The following PTPRD variants were observed in gnomAD, a reference collection of about 807,000 sequenced individuals.
PTPRD encodes the protein protein tyrosine phosphatase receptor type D, also known as receptor-type tyrosine-protein phosphatase delta.
Under a neutral mutation model 214.5 loss-of-function variants are expected in PTPRD, and 34 were observed. The ratio of observed to expected loss-of-function variants is 0.16; its 90% CI spans 0.12 to 0.21. PTPRD has a LOEUF of 0.21. Among genes scored for constraint, PTPRD ranks in the 10% least tolerant of loss-of-function variants. The probability of loss-of-function intolerance (pLI) is 1.00; values close to 1 mark genes in which losing one functional copy is unlikely to be tolerated. For missense variants in PTPRD, 2,545 were observed against 2,398.7 expected, an observed-to-expected ratio of 1.06 and a Z score of -1.27; for synonymous variants, 1,128 against 845.7, an observed-to-expected ratio of 1.33 and a Z score of -5.79.
Position 9,292,634 on chromosome 9 carries a change from T to C in PTPRD, c.-203+104815A>G, listed in dbSNP as rs968687685. ...ATTATTAACTAAAATCCATACTTTA[T>C]TCAGATTGCCTTAGTTATTACCTAA... On this transcript the variant is annotated intron_variant, in intron 9 of 45. Transcript: ENST00000381196. 2.6e-5 allele frequency among the ~76,000 whole-genome samples: 4 copies of C among 151,472 alleles called. No individual in the cohort carries two copies. The Admixed American group carries it at 2.6e-4, about 10-fold the overall frequency.
intron 9 of PTPRD, among the ~76,000 whole-genome samples, chr9:9,299,212 T>G (rs1226821193): frequency 6.6e-6 from 1 of 151,834 alleles, no homozygotes; most frequent in Non-Finnish European, 1.5e-5. Flanking sequence ...ACATGATATT[T>G]TATTATTTCA....
intron 3 of PTPRD, among the ~76,000 whole-genome samples, chr9:10,081,467 C>T (rs931718587): frequency 3.3e-5 from 5 of 151,916 alleles, no homozygotes; most frequent in Non-Finnish European, 7.4e-5. Flanking sequence ...GAAGGTGGAG[C>T]CCACGTAACT....
intron 5 of PTPRD, among the ~76,000 whole-genome samples, chr9:9,782,200 G>T (rs2098851006): frequency 6.6e-6 from 1 of 152,038 alleles, no homozygotes. Context: ...TCTCAACACA[G>T]TGTGTATATG....
intron 8 of PTPRD, among the ~76,000 whole-genome samples, chr9:9,466,265 T>C (rs897037367): frequency 4.6e-5 from 7 of 152,156 alleles, no homozygotes; most frequent in Non-Finnish European, 1.0e-4. Flanking sequence ...GCTGTGATTG[T>C]GTCACTCTAC....
At chr9:9,400,310 T>G (rs1299517737) in intron 8 of PTPRD, among the ~76,000 whole-genome samples, 5 of 151,878 alleles carry the variant, frequency 3.3e-5, no homozygotes, top group African/African-American at 9.7e-5. Flanking sequence ...AAAATTTAAC[T>G]AAGATACTCT....
At chr9:10,095,949 G>C (rs748150987) in intron 3 of PTPRD, among the ~76,000 whole-genome samples, 40 of 151,492 alleles carry the variant, frequency 2.6e-4, no homozygotes, top group Non-Finnish European at 4.9e-4. Context: ...CTCATGCTTA[G>C]GTGTTGACAT....
At chr9:10,561,435 G>C (rs1207534649) in intron 2 of PTPRD, among the ~76,000 whole-genome samples, 1 of 152,050 alleles carries the variant, frequency 6.6e-6, no homozygotes, top group Non-Finnish European at 1.5e-5. Flanking sequence ...TTTCTCCACT[G>C]CAACTTGATT....
chr9:9,614,091 T>A (rs1433986599), intron 7 of PTPRD, among the ~76,000 whole-genome samples: 1 of 151,916 alleles, frequency 6.6e-6, no homozygotes, highest in East Asian at 1.9e-4. Flanking sequence ...CAATTGTTGC[T>A]AAAAACATGT....
In PTPRD at chr9:8,630,046, A is replaced by T. The variant is rs146425105; in HGVS notation, c.352+3271T>A. ...ATACAGGTCAGATATTTGAATCTCC[A>T]ATTAATTAGTTTCTCTAGTAGCTTG... On this transcript the variant is annotated intron_variant, in intron 14 of 45. Transcript: ENST00000381196. Among the ~76,000 whole-genome samples the T allele has an allele frequency of 1.6e-4, 25 of 151,926 alleles. No homozygotes were observed. The East Asian group carries it at 4.7e-3, about 28-fold the overall frequency.
At chr9:8,602,083 A>T (rs116683661) in intron 14 of PTPRD, among the ~76,000 whole-genome samples, 8 of 152,232 alleles carry the variant, frequency 5.3e-5, no homozygotes, top group African/African-American at 1.9e-4. Flanking sequence ...AGAAGATGAA[A>T]AGGAGGGAAA....
intron 3 of PTPRD, among the ~76,000 whole-genome samples, chr9:10,216,693 GCT>G (rs1564585468): frequency 6.6e-6 from 1 of 151,970 alleles, no homozygotes; most frequent in Non-Finnish European, 1.5e-5. Flanking sequence ...TCACAATAGA[GCT>G]CTCTTGAATT....
intron 4 of PTPRD, among the ~76,000 whole-genome samples, chr9:9,962,808 T>C (rs1049014300): frequency 3.3e-5 from 5 of 152,022 alleles, no homozygotes; most frequent in African/African-American, 7.2e-5. Flanking sequence ...TTAGCAGAAA[T>C]ATAAGAGTTC....
At chr9:8,939,400 C>T (rs1474640595) in intron 11 of PTPRD, among the ~76,000 whole-genome samples, 1 of 152,042 alleles carries the variant, frequency 6.6e-6, no homozygotes, top group Admixed American at 6.6e-5. Context: ...CAGATGCATA[C>T]TCTTAACTTC....
At chr9:9,023,362 C>T (rs187165865) in intron 10 of PTPRD, among the ~76,000 whole-genome samples, 126 of 151,982 alleles carry the variant, frequency 8.3e-4, no homozygotes, top group South Asian at 1.7e-3. Context: ...ATGTGCATTA[C>T]GTTTTTCTTT....
chr9:8,868,543 G>A (rs2098239418), intron 11 of PTPRD, among the ~76,000 whole-genome samples: 1 of 152,130 alleles, frequency 6.6e-6, no homozygotes. Flanking sequence ...TGACTCAAAT[G>A]TTTAGCCAAA....
At chr9:8,687,741 GTT>G (rs34897285) in intron 12 of PTPRD, among the ~76,000 whole-genome samples, 2 of 145,944 alleles carry the variant, frequency 1.4e-5, no homozygotes, top group African/African-American at 5.0e-5. Context: ...TAAAATAAGA[GTT>G]TTTTTTTTTT....
In PTPRD at chr9:8,661,372, C is replaced by T. The variant is rs554492929; in HGVS notation, c.65-24528G>A. 2.6e-5 allele frequency among the ~76,000 whole-genome samples: 4 copies of T among 151,798 alleles called. No homozygotes were observed. The East Asian group carries it at 7.7e-4, about 29-fold the overall frequency. ...TCTTATTTCTCATTACCAATTATAGCAGAAGGTTGTATTTATAGTGGGGGC... is the reference window on the plus strand; with the variant it reads ...TCTTATTTCTCATTACCAATTATAGTAGAAGGTTGTATTTATAGTGGGGGC... On this transcript the variant is annotated intron_variant, in intron 12 of 45. Coordinates refer to ENST00000381196, the MANE Select transcript of PTPRD (RefSeq NM_002839.4).
intron 10 of PTPRD, among the ~76,000 whole-genome samples, chr9:9,115,263 G>A (rs2099811268): frequency 3.3e-5 from 5 of 152,136 alleles, no homozygotes; most frequent in Admixed American, 3.3e-4. Context: ...TTTCATTTGG[G>A]ATGCTTTTTA....
chr9:8,952,276 T>C (rs1265415795), intron 11 of PTPRD, among the ~76,000 whole-genome samples: 2 of 151,978 alleles, frequency 1.3e-5, no homozygotes, highest in Non-Finnish European at 2.9e-5. Context: ...TGTTCTTACA[T>C]GTCAAATCTC....
Sources: gnomAD v4.1 joint callset for allele counts (sites outside exome capture counted in the v4.1 genomes callset) on GRCh38, gnomAD v4.1.1 for gene constraint, MANE v1.5 for transcripts, NCBI Gene and HGNC (gene_info 2026-07-23, HGNC 2026-07-21) for gene names.